CTNND2: variants seen among roughly 807,000 people sequenced by gnomAD.
The protein encoded by CTNND2 is catenin delta 2.
A neutral mutation model predicts 144.4 loss-of-function variants in CTNND2; 22 were observed. The ratio of observed to expected loss-of-function variants is 0.15; its 90% CI spans 0.11 to 0.22. The LOEUF (loss-of-function observed/expected upper bound fraction) is 0.22, where lower values mean the gene tolerates loss of function less well. Ranked by LOEUF, CTNND2 falls within the 10% of genes least tolerant of loss-of-function variation. CTNND2 has a pLI of 1.00. For synonymous variants in CTNND2, 751 were observed against 695.6 expected, an observed-to-expected ratio of 1.08 and a Z score of -1.25; for missense variants, 1,353 against 1,618.8, an observed-to-expected ratio of 0.84 and a Z score of 2.82.
At chr5:10,994,967 C>G (rs1034091221) in intron 18 of CTNND2, among the ~76,000 whole-genome samples, 1 of 152,116 alleles carries the variant, frequency 6.6e-6, no homozygotes, top group South Asian at 2.1e-4. Flanking sequence ...GTGTGAACCA[C>G]AGGGGCCTGA....
intron 11 of CTNND2, among the ~76,000 whole-genome samples, chr5:11,195,620 G>C (rs61751799): frequency 0.014 from 2,186 of 152,334 alleles, 48 homozygotes; most frequent in Admixed American, 0.049. Context: ...TGGACACTGT[G>C]CTCCTGGAGA....
intron 2 of CTNND2, among the ~76,000 whole-genome samples, chr5:11,604,320 G>GT (rs1779947493): frequency 6.6e-6 from 1 of 152,206 alleles, no homozygotes; most frequent in South Asian, 2.1e-4. Context: ...ACTTGCTGCC[G>GT]TGAGTTGGAC....
chr5:11,383,699 GT>G (rs1197807084), intron 7 of CTNND2, among the ~76,000 whole-genome samples: 3 of 152,126 alleles, frequency 2.0e-5, no homozygotes, highest in African/African-American at 7.2e-5. Flanking sequence ...ATCTATTTGT[GT>G]CAAGAAAGGA....
At chr5:11,231,206 A>G (rs1337080668) in intron 10 of CTNND2, among the ~76,000 whole-genome samples, 1 of 152,120 alleles carries the variant, frequency 6.6e-6, no homozygotes, top group Non-Finnish European at 1.5e-5. Flanking sequence ...CAGTCCTGTG[A>G]GTCCATTAAA....
intron 2 of CTNND2, among the ~76,000 whole-genome samples, chr5:11,657,480 A>ATTTCTTCCTCCCTTCATTCT (rs1782974920): frequency 1.3e-5 from 2 of 151,398 alleles, no homozygotes; most frequent in African/African-American, 4.9e-5. Context: ...TCCTGCCTTC[A>ATTTCTTCCTCCCTTCATTCT]TTTCTTCCTC....
intron 18 of CTNND2, 33 bp from the exon 19 acceptor site, chr5:10,992,710 C>G: frequency 6.2e-7 from 1 of 1,602,472 alleles, no homozygotes; most frequent in Non-Finnish European, 8.5e-7. Context: ...GTTAGATGGG[C>G]AAGACAGAGT....
chr5:11,485,808 C>T (rs1033460899), intron 3 of CTNND2, among the ~76,000 whole-genome samples: 5 of 151,972 alleles, frequency 3.3e-5, no homozygotes, highest in South Asian at 2.1e-4. Context: ...ATAGGCAAAA[C>T]GTATAAGGCC....
intron 16 of CTNND2, among the ~76,000 whole-genome samples, chr5:11,080,599 T>C (rs1421811191): frequency 6.6e-6 from 1 of 152,106 alleles, no homozygotes; most frequent in Non-Finnish European, 1.5e-5. Flanking sequence ...GATAAATGAA[T>C]AAATAAAATA....
At chr5:11,866,844 C>A (rs1478064229) in intron 1 of CTNND2, among the ~76,000 whole-genome samples, 1 of 152,184 alleles carries the variant, frequency 6.6e-6, no homozygotes, top group Non-Finnish European at 1.5e-5. Context: ...GCATTCTCTT[C>A]TGTGTGGTCC....
rs1383077204 is a variant in CTNND2 at position 11,191,782 on chromosome 5, G to A, written c.1975+7666C>T. Among the ~76,000 whole-genome samples, 9 of 152,144 alleles carry A rather than the reference G, an allele frequency of 5.9e-5. No homozygotes were observed. In the East Asian group the frequency reaches 9.6e-4, roughly 16 times the overall value. ...CATGCAGAGTTCCGTGGCAAAGAGC[G>A]GCAGCTTTGTGTATCACTCATGTGG... On this transcript the variant is annotated intron_variant, in intron 11 of 21. Transcript: ENST00000304623.
chr5:11,034,525 C>A (rs1284554456), intron 16 of CTNND2, among the ~76,000 whole-genome samples: 1 of 152,164 alleles, frequency 6.6e-6, no homozygotes, highest in Non-Finnish European at 1.5e-5. Flanking sequence ...TGCAAATGTA[C>A]AAATGTCCTG....
intron 9 of CTNND2, among the ~76,000 whole-genome samples, chr5:11,268,543 C>A (rs937836832): frequency 2.6e-5 from 4 of 152,062 alleles, no homozygotes; most frequent in Non-Finnish European, 4.4e-5. Flanking sequence ...TGCAGTGAGC[C>A]AAGATCATGC....
chr5:11,104,918 C>T (rs1391485519), intron 14 of CTNND2, among the ~76,000 whole-genome samples: 3 of 152,348 alleles, frequency 2.0e-5, no homozygotes, highest in South Asian at 4.1e-4. Flanking sequence ...TCAGGAATAG[C>T]CTTGCTGATG....
chr5:11,647,150 T>C (rs1035201134), intron 2 of CTNND2, among the ~76,000 whole-genome samples: 1 of 152,178 alleles, frequency 6.6e-6, no homozygotes, highest in Non-Finnish European at 1.5e-5. Flanking sequence ...CTTTGCTCTC[T>C]TCCTCTTTCA....
intron 16 of CTNND2, among the ~76,000 whole-genome samples, chr5:11,049,055 T>G (rs995529419): frequency 1.3e-5 from 2 of 152,118 alleles, no homozygotes; most frequent in Non-Finnish European, 2.9e-5. Context: ...GGGGACAAAA[T>G]TGCCCCATGT....
chr5:11,570,751 G>T (rs1777492947), intron 2 of CTNND2, among the ~76,000 whole-genome samples: 1 of 151,414 alleles, frequency 6.6e-6, no homozygotes, highest in Admixed American at 6.6e-5. Flanking sequence ...TGGATATTTT[G>T]TGATCTATTT....
chr5:11,636,188 T>C (rs1247267354), intron 2 of CTNND2, among the ~76,000 whole-genome samples: 1 of 152,096 alleles, frequency 6.6e-6, no homozygotes, highest in Non-Finnish European at 1.5e-5. Context: ...CTAATGAGCA[T>C]TAAACAAGCA....
intron 2 of CTNND2, among the ~76,000 whole-genome samples, chr5:11,631,817 G>A (rs1781430757): frequency 6.6e-6 from 1 of 152,116 alleles, no homozygotes; most frequent in African/African-American, 2.4e-5. Flanking sequence ...ATTCTATGCT[G>A]GGAGGAGGAA....
At chr5:11,811,464 ACATAAATAAATC>A (rs1404208895) in intron 1 of CTNND2, among the ~76,000 whole-genome samples, 1 of 152,222 alleles carries the variant, frequency 6.6e-6, no homozygotes, top group Non-Finnish European at 1.5e-5. Context: ...AGGTGTATGA[ACATAAATAAATC>A]CAATAGGCTA....
Sources: allele counts gnomAD v4.1 joint callset (sites outside exome capture counted in the v4.1 genomes callset), GRCh38; gene constraint gnomAD v4.1.1; transcripts MANE v1.5; gene names NCBI Gene and HGNC (gene_info 2026-07-23, HGNC 2026-07-21).